The following WDR41 variants were observed in gnomAD, a reference collection of about 807,000 sequenced individuals.
WDR41 encodes the protein WD repeat domain 41, also known as WD repeat-containing protein 41.
In WDR41, 63 loss-of-function variants were observed where a neutral mutation model predicts 69.3. The ratio of observed to expected loss-of-function variants is 0.91; its 90% CI spans 0.74 to 1.12. The LOEUF (loss-of-function observed/expected upper bound fraction) is 1.12, where lower values mean the gene tolerates loss of function less well. WDR41 is among the 50% of genes most tolerant of loss of function. WDR41 has a pLI of 0.00. For missense variants in WDR41, 543 were observed against 534.5 expected (o/e 1.02, Z -0.16); for synonymous variants, 185 against 192.1 (o/e 0.96, Z 0.31).
chr5:77,492,172 C>T lies in WDR41; in HGVS notation c.49G>A (p.Glu17Lys), dbSNP rs1801833082. The T allele has an allele frequency of 6.2e-7, 1 of 1,612,142 alleles. No individual in the cohort carries two copies. The highest frequency in any genetic ancestry group is 1.3e-5 in the African/African-American group (1 of 74,882). ...GAGCAGACCCACCCGGGGTTTACCT[C>T]GGCCAGTCCCTGCGGTTCTCGGCCT... is the stretch of plus-strand genomic sequence containing the variant. ...GGGREPQGLA[E>K]KSPLQTIGEE... Residue 17 changes from glutamate (E) to lysine (K), a missense_variant and splice_region_variant, in exon 1 of 13, where the codon GAG becomes AAG. Transcript: ENST00000296679.
At chr5:77,452,220 CAAG>C (rs1362304762) in intron 6 of WDR41, 2 of 151,962 alleles carry the variant, frequency 1.3e-5, no homozygotes, top group Non-Finnish European at 2.9e-5. Context: ...TTCCCATGTA[CAAG>C]AAGGAGGAAA....
chr5:77,492,414 C>T (rs1246146971), upstream of WDR41: 1 of 641,030 alleles, frequency 1.6e-6, no homozygotes. Context: ...CTCCCGTACC[C>T]AGCCACGGAG....
At chr5:77,461,892 A>G (rs1259670167) in intron 4 of WDR41, among the ~76,000 whole-genome samples, 1 of 152,114 alleles carries the variant, frequency 6.6e-6, no homozygotes, top group African/African-American at 2.4e-5. Flanking sequence ...GTAATGAAAG[A>G]CAACAGTTAT....
At chr5:77,441,048 G>C in intron 8 of WDR41, 51 bp from the exon 9 acceptor site, 2 of 1,578,922 alleles carry the variant, frequency 1.3e-6, no homozygotes, top group Non-Finnish European at 1.7e-6. Context: ...TCTATGTAAA[G>C]ATATAACTGA....
chr5:77,604,774 G>T (rs1744385992), intron 1 of WDR41, among the ~76,000 whole-genome samples: 1 of 152,044 alleles, frequency 6.6e-6, no homozygotes, highest in Non-Finnish European at 1.5e-5. Flanking sequence ...TGATTATATT[G>T]CATCCATACA....
intron 1 of WDR41, among the ~76,000 whole-genome samples, chr5:77,508,262 A>G (rs895946024): frequency 6.6e-6 from 1 of 151,648 alleles, no homozygotes; most frequent in African/African-American, 2.4e-5. Context: ...CTGAGACTAC[A>G]GGCACACAGC....
At chr5:77,609,818 A>T (rs1489160691) in intron 1 of WDR41, among the ~76,000 whole-genome samples, 2 of 152,262 alleles carry the variant, frequency 1.3e-5, no homozygotes, top group African/African-American at 4.8e-5. Context: ...AATGACTTTG[A>T]CGAGTTGAGA....
At chr5:77,438,161 G>T (rs1237396811) in intron 10 of WDR41, 79 bp downstream of exon 10, 2 of 1,588,156 alleles carry the variant, frequency 1.3e-6, no homozygotes, top group Non-Finnish European at 1.7e-6. Flanking sequence ...AGGTAACTTG[G>T]CCACTTGAGA....
chr5:77,509,644 A>G (rs1802169180), intron 1 of WDR41, among the ~76,000 whole-genome samples: 1 of 152,202 alleles, frequency 6.6e-6, no homozygotes, highest in South Asian at 2.1e-4. Flanking sequence ...CAGAATAGGG[A>G]ATCTATAGAG....
upstream of WDR41, among the ~76,000 whole-genome samples, chr5:77,493,960 G>T (rs970942584): frequency 6.6e-6 from 1 of 151,162 alleles, no homozygotes; most frequent in South Asian, 2.1e-4. Context: ...AGCTAAGAAA[G>T]AATTTTTTAC....
At chr5:77,469,472 A>G (rs1030494623) in intron 2 of WDR41, among the ~76,000 whole-genome samples, 3 of 152,106 alleles carry the variant, frequency 2.0e-5, no homozygotes, top group African/African-American at 4.8e-5. Context: ...ATTTTTAGAA[A>G]ACTGATCCTT....
intron 6 of WDR41, 46 bp from the exon 7 acceptor site, chr5:77,451,399 T>C (rs755011716): frequency 1.2e-5 from 19 of 1,573,220 alleles, no homozygotes; most frequent in Non-Finnish European, 1.7e-5. Flanking sequence ...TTCTCACAGA[T>C]TATATCAAAA....
intron 1 of WDR41, among the ~76,000 whole-genome samples, chr5:77,510,746 T>A (rs559841418): frequency 2.8e-4 from 42 of 150,972 alleles, no homozygotes; most frequent in African/African-American, 9.7e-4. Flanking sequence ...TGAATCTAGG[T>A]TTTTCTGACT....
chr5:77,557,775 A>G (rs1389327295), intron 1 of WDR41, among the ~76,000 whole-genome samples: 1 of 152,214 alleles, frequency 6.6e-6, no homozygotes, highest in African/African-American at 2.4e-5. Flanking sequence ...TTCATAATAG[A>G]GAACAATGAA....
chr5:77,542,411 G>A (rs1490098143), intron 1 of WDR41, among the ~76,000 whole-genome samples: 4 of 152,108 alleles, frequency 2.6e-5, no homozygotes, highest in Admixed American at 1.3e-4. Flanking sequence ...TGAACATCCT[G>A]CATGTGTATC....
chr5:77,531,659 G>A (rs143262210), intron 1 of WDR41, among the ~76,000 whole-genome samples: 95 of 151,952 alleles, frequency 6.3e-4, no homozygotes, highest in African/African-American at 2.2e-3. Flanking sequence ...GTAAAAACAG[G>A]TACTCATACG....
At chr5:77,483,340 T>C (rs1020667547) in intron 2 of WDR41, among the ~76,000 whole-genome samples, 3 of 151,946 alleles carry the variant, frequency 2.0e-5, no homozygotes, top group African/African-American at 7.3e-5. Context: ...GGTTTTGCCA[T>C]GTTGCCCACG....
Position 77,545,222 on chromosome 5 carries a change from A to T in WDR41, c.43-55650T>A, listed in dbSNP as rs1246118898. Among the ~76,000 whole-genome samples, 3 of 138,448 alleles carry T rather than the reference A, an allele frequency of 2.2e-5. No homozygotes were observed. In the East Asian group the frequency reaches 6.1e-4, roughly 28 times the overall value. The allele number at this position is 138,448 out of a possible 152,430, so 90.8% of individuals were successfully genotyped here. A position where few individuals can be genotyped will look rare whatever the true frequency, so the allele number is the denominator to read the frequency against. On this transcript the variant is annotated intron_variant, in intron 1 of 5. Transcript: ENST00000509971. ...ATGCCTACATCAAAAAGTCTGAAAG[A>T]GCACAAACAATCTAAGGTCGCACCT...
intron 1 of WDR41, among the ~76,000 whole-genome samples, chr5:77,618,654 T>TG (rs1744723026): frequency 6.6e-6 from 1 of 152,190 alleles, no homozygotes; most frequent in Non-Finnish European, 1.5e-5. Context: ...ATTACAGGCG[T>TG]GAGCCACCAC....
Sources: gnomAD v4.1 joint callset for allele counts (sites outside exome capture counted in the v4.1 genomes callset) on GRCh38, gnomAD v4.1.1 for gene constraint, MANE v1.5 for transcripts, NCBI Gene and HGNC (gene_info 2026-07-23, HGNC 2026-07-21) for gene names.